Variants in FMN2 observed in about 807,000 individuals in gnomAD.
FMN2 encodes the protein formin 2, also known as formin-2.
In FMN2, 51 loss-of-function variants were observed where a neutral mutation model predicts 142.3. The observed-to-expected ratio is 0.36, with a 90% CI of 0.29 to 0.45. The LOEUF (loss-of-function observed/expected upper bound fraction) is 0.45, where lower values mean the gene tolerates loss of function less well. Ranked by LOEUF, FMN2 falls within the 20% of genes least tolerant of loss-of-function variation. The pLI is 1.00. For synonymous variants in FMN2, 882 were observed against 869.8 expected (o/e 1.01, Z -0.25); for missense variants, 1,936 against 2,122.8 (o/e 0.91, Z 1.73).
intron 8 of FMN2, among the ~76,000 whole-genome samples, chr1:240,327,347 C>A (rs1006544944): frequency 6.6e-6 from 1 of 152,134 alleles, no homozygotes; most frequent in Non-Finnish European, 1.5e-5. Flanking sequence ...GTTAGTTAAT[C>A]CTATCAACTG....
chr1:240,394,597 T>A (rs751034343), intron 15 of FMN2, among the ~76,000 whole-genome samples: 22 of 152,210 alleles, frequency 1.4e-4, no homozygotes, highest in Non-Finnish European at 2.5e-4. Context: ...CCAATGTAGA[T>A]GAAACATCTT....
rs184952178 is a variant in FMN2 at position 240,143,505 on chromosome 1, C to T, written c.1782+20160C>T. ...TCTTTTCCTTCTTGCCTTTGTCTTC[C>T]TCCTTCTCTTTGGAGTCAAAGTGTT... On this transcript the variant is annotated intron_variant, in intron 2 of 17. Coordinates refer to ENST00000319653, the MANE Select transcript of FMN2 (RefSeq NM_020066.5). 1.1e-4 allele frequency: 174 copies of T among 1,575,120 alleles called. No homozygotes were observed. The East Asian group carries it at 3.1e-3, about 28-fold the overall frequency.
intron 15 of FMN2, among the ~76,000 whole-genome samples, chr1:240,420,661 C>T (rs1572289672): frequency 6.6e-6 from 1 of 152,228 alleles, no homozygotes; most frequent in Non-Finnish European, 1.5e-5. Flanking sequence ...GGTGTGGATG[C>T]CGTCACAGCT....
At chr1:240,184,146 A>C (rs953648958) in intron 3 of FMN2, among the ~76,000 whole-genome samples, 1 of 151,558 alleles carries the variant, frequency 6.6e-6, no homozygotes, top group African/African-American at 2.4e-5. Context: ...TAAAGAGGTC[A>C]GTCCTGAAAC....
At chr1:240,248,840 TA>T (rs1478979088) in intron 6 of FMN2, among the ~76,000 whole-genome samples, 9 of 152,136 alleles carry the variant, frequency 5.9e-5, no homozygotes, top group African/African-American at 2.2e-4. Context: ...TTTTTTCATA[TA>T]CCTGTTGGCC....
intron 13 of FMN2, among the ~76,000 whole-genome samples, chr1:240,349,893 G>C (rs1440316868): frequency 6.6e-6 from 1 of 151,498 alleles, no homozygotes; most frequent in Non-Finnish European, 1.5e-5. Flanking sequence ...CTCTATCTTT[G>C]TTCTGTTTTT....
At chr1:240,353,507 T>C (rs1252947058) in intron 13 of FMN2, among the ~76,000 whole-genome samples, 1 of 152,178 alleles carries the variant, frequency 6.6e-6, no homozygotes, top group African/African-American at 2.4e-5. Context: ...ATTTATTGCC[T>C]AAGTCAGGCA....
chr1:240,331,819 C>T (rs1671385591), intron 11 of FMN2, among the ~76,000 whole-genome samples: 1 of 152,116 alleles, frequency 6.6e-6, no homozygotes, highest in African/African-American at 2.4e-5. Context: ...TTACCTCAGC[C>T]TACAGTTGGG....
intron 14 of FMN2, among the ~76,000 whole-genome samples, chr1:240,367,776 A>C (rs908305134): frequency 6.8e-6 from 1 of 147,090 alleles, no homozygotes. Context: ...TCAAAAAAAA[A>C]AAAAAAAAAA....
At chr1:240,152,306 T>A (rs79961360) in intron 2 of FMN2, among the ~76,000 whole-genome samples, 256 of 146,020 alleles carry the variant, frequency 1.8e-3, no homozygotes, top group African/African-American at 5.9e-3. Flanking sequence ...CGAGCTCATT[T>A]AAAAAAAAAA....
intron 6 of FMN2, among the ~76,000 whole-genome samples, chr1:240,215,089 A>G (rs1267541484): frequency 6.6e-6 from 1 of 152,036 alleles, no homozygotes; most frequent in African/African-American, 2.4e-5. Context: ...ATTCATCCGC[A>G]CTCATTAGCA....
chr1:240,154,993 C>A (rs995086821), intron 2 of FMN2, among the ~76,000 whole-genome samples: 4 of 146,774 alleles, frequency 2.7e-5, no homozygotes, highest in African/African-American at 7.4e-5. Flanking sequence ...CTTAAGCAAT[C>A]CCCCCCCCGA....
At chr1:240,305,409 G>T (rs1412174993) in intron 8 of FMN2, among the ~76,000 whole-genome samples, 3 of 152,078 alleles carry the variant, frequency 2.0e-5, no homozygotes, top group African/African-American at 7.2e-5. Context: ...TTTCAAACTG[G>T]GTTCAGTGAA....
intron 8 of FMN2, among the ~76,000 whole-genome samples, chr1:240,303,991 T>C (rs1449950534): frequency 2.6e-5 from 4 of 152,198 alleles, no homozygotes; most frequent in African/African-American, 9.6e-5. Flanking sequence ...TTTTCAGTTC[T>C]TTTCAGTTAT....
chr1:240,411,627 G>GTTT (rs147803371), intron 15 of FMN2, among the ~76,000 whole-genome samples: 3 of 122,482 alleles, frequency 2.4e-5, no homozygotes, highest in African/African-American at 8.9e-5. Context: ...TGTTTGATCT[G>GTTT]TTGTTTTTTT....
At chr1:240,386,428 C>G (rs1376419682) in intron 14 of FMN2, among the ~76,000 whole-genome samples, 1 of 152,146 alleles carries the variant, frequency 6.6e-6, no homozygotes, top group East Asian at 1.9e-4. Flanking sequence ...GAGTTGCCTT[C>G]CATCTGATAT....
intron 1 of FMN2, among the ~76,000 whole-genome samples, chr1:240,103,448 C>T (rs534341060): frequency 6.6e-6 from 1 of 152,256 alleles, no homozygotes; most frequent in African/African-American, 2.4e-5. Context: ...GGATATTCAC[C>T]GTGTCTAAAA....
At chr1:240,426,864 A>G (rs1674954613) in intron 15 of FMN2, among the ~76,000 whole-genome samples, 1 of 151,520 alleles carries the variant, frequency 6.6e-6, no homozygotes, top group Non-Finnish European at 1.5e-5. Flanking sequence ...TCAGCCTCCC[A>G]GGTAGCTGGG....
chr1:240,470,206 T>TG (rs1572347342), intron 16 of FMN2, among the ~76,000 whole-genome samples: 1 of 47,904 alleles, frequency 2.1e-5, no homozygotes. Context: ...GACTAAGTGC[T>TG]GAAAAAAAAA....
Sources: gnomAD v4.1 joint callset for allele counts (sites outside exome capture counted in the v4.1 genomes callset) on GRCh38, gnomAD v4.1.1 for gene constraint, MANE v1.5 for transcripts, NCBI Gene and HGNC (gene_info 2026-07-23, HGNC 2026-07-21) for gene names.